TRIM37: variants seen among roughly 807,000 people sequenced by gnomAD.
TRIM37 encodes E3 ubiquitin-protein ligase TRIM37.
Under a neutral mutation model 129.8 loss-of-function variants are expected in TRIM37, and 80 were observed. The ratio of observed to expected loss-of-function variants is 0.62; its 90% CI spans 0.51 to 0.74. The LOEUF is 0.74. Ranked by LOEUF, TRIM37 falls within the 30% of genes least tolerant of loss-of-function variation. TRIM37 has a pLI of 0.00. For synonymous variants in TRIM37, 389 were observed against 387.1 expected (o/e 1.00, Z -0.06); for missense variants, 1,054 against 1,176.5 (o/e 0.90, Z 1.52).
intron 17 of TRIM37, 101 bp from the exon 18 acceptor site, chr17:59,032,191 A>G (rs764965902): frequency 3.2e-6 from 4 of 1,263,612 alleles, no homozygotes; most frequent in Non-Finnish European, 3.4e-6. Context: ...TTGTCTATGG[A>G]CCTATCTCTT....
At chr17:58,996,796 G>A (rs1341490779), downstream of TRIM37, among the ~76,000 whole-genome samples, 6 of 144,446 alleles carry the variant, frequency 4.2e-5, no homozygotes, top group African/African-American at 1.7e-4. Flanking sequence ...ATATATATGT[G>A]TGTGTGTGTG....
intron 24 of TRIM37, among the ~76,000 whole-genome samples, chr17:58,992,268 AATAT>A (rs1454919085): frequency 3.5e-5 from 5 of 143,502 alleles, no homozygotes; most frequent in South Asian, 2.1e-4. Context: ...TATAAATATA[AATAT>A]ATATATATTT....
At chr17:59,086,036 A>G (rs1168640026) in intron 4 of TRIM37, among the ~76,000 whole-genome samples, 3 of 152,134 alleles carry the variant, frequency 2.0e-5, no homozygotes, top group Non-Finnish European at 4.4e-5. Flanking sequence ...TGGTGCGAAG[A>G]AGGAATGGGG....
chr17:59,003,028 T>G (rs1471395556), intron 22 of TRIM37, among the ~76,000 whole-genome samples: 1 of 152,262 alleles, frequency 6.6e-6, no homozygotes, highest in East Asian at 1.9e-4. Context: ...GCCTGTGCCA[T>G]CACACCTGGC....
chr17:59,015,626 T>C lies in TRIM37; in HGVS notation c.2560A>G (p.Lys854Glu). The change falls in exon 21 of 24, where the codon AAA becomes GAA. Residue 854 changes from lysine (K) to glutamate (E), a missense_variant. Transcript: ENST00000262294. ...TTAATTTACCCCAAGGTGACCATTT[T>C]CCTCCTTTTCTCAACCGCAGGCAAG... is the stretch of plus-strand genomic sequence containing the variant. ...SGLPAVEKRR[K>E]MVTLGANAKG... The C allele has an allele frequency of 6.2e-7, 1 of 1,614,056 alleles. No homozygotes were observed. The highest frequency in any genetic ancestry group is 8.5e-7 in the Non-Finnish European group (1 of 1,180,016).
intron 9 of TRIM37, among the ~76,000 whole-genome samples, chr17:59,066,361 A>C (rs2041920296): frequency 6.6e-6 from 1 of 152,220 alleles, no homozygotes. Flanking sequence ...GTTGCCTGCT[A>C]ATCTGCATAT....
chr17:59,003,110 G>A (rs28651036), intron 22 of TRIM37, among the ~76,000 whole-genome samples: 36,684 of 152,046 alleles, frequency 0.24, 4,726 homozygotes, highest in African/African-American at 0.33. Context: ...CTCCTGAGCT[G>A]AAGTGATTCA....
downstream of TRIM37, chr17:58,979,913 C>T (rs1175079728): frequency 1.3e-5 from 18 of 1,351,160 alleles, no homozygotes; most frequent in East Asian, 7.0e-5. Flanking sequence ...TGGTCATAAA[C>T]GTTCTTAGCA....
chr17:59,104,502 C>T, intron 1 of TRIM37, 108 bp from the exon 2 acceptor site: 1 of 955,902 alleles, frequency 1.0e-6, no homozygotes, highest in African/African-American at 1.6e-5. Flanking sequence ...GCTGATCTCT[C>T]AATTTTAACT....
At chr17:59,044,974 G>A (rs1224759655) in intron 16 of TRIM37, among the ~76,000 whole-genome samples, 1 of 151,924 alleles carries the variant, frequency 6.6e-6, no homozygotes, top group Non-Finnish European at 1.5e-5. Context: ...GAAGGTTACA[G>A]GGAGCTATAA....
chr17:58,982,849 T>C, exon 25 of TRIM37: 3 of 1,492,136 alleles, frequency 2.0e-6, no homozygotes, highest in Non-Finnish European at 2.8e-6. Flanking sequence ...TGGTCCTCAC[T>C]CATATCTGTC....
rs952075903 is a variant in TRIM37, at chr17:59,017,145, C to A, written c.2386+151G>T. On this transcript the variant is annotated intron_variant, in intron 20 of 23. Transcript: ENST00000262294. Reference sequence around the variant, plus strand: ...CACCACTGCACTCCAGCCTGGGTGACAAAGTGAGACCCTGTTTCAAAAAAA... The same window carrying A: ...CACCACTGCACTCCAGCCTGGGTGAAAAAGTGAGACCCTGTTTCAAAAAAA... 40 of 998,218 alleles carry A rather than the reference C, an allele frequency of 4.0e-5. No individual in the cohort carries two copies. In the East Asian group the frequency reaches 1.0e-3, roughly 26 times the overall value. The allele number at this position is 998,218 out of a possible 1,614,324, so 61.8% of individuals were successfully genotyped here.
chr17:59,033,527 G>A (rs945983548), intron 17 of TRIM37, among the ~76,000 whole-genome samples: 1 of 152,006 alleles, frequency 6.6e-6, no homozygotes, highest in African/African-American at 2.4e-5. Flanking sequence ...CCGCCTCCTG[G>A]GTTCAAGCGA....
Position 59,064,416 on chromosome 17 carries a change from A to G in TRIM37, c.810-11T>C, listed in dbSNP as rs935631056. The G allele has an allele frequency of 5.7e-6, 9 of 1,578,798 alleles. No individual in the cohort carries two copies. The highest frequency in any genetic ancestry group is 7.7e-6 in the Non-Finnish European group (9 of 1,161,780). ...GATGGCACTAATTCACTAAAAAAAA[A>G]AAGGCAAAAAAAATTATTTAGCTTA... On this transcript the variant is annotated splice_polypyrimidine_tract_variant and intron_variant, in intron 9 of 23. Transcript: ENST00000262294.
chr17:59,022,329 A>G (rs1030821414), intron 19 of TRIM37, among the ~76,000 whole-genome samples: 2 of 152,250 alleles, frequency 1.3e-5, no homozygotes, highest in Admixed American at 1.3e-4. Flanking sequence ...AAAATAATAT[A>G]ATTTACTTTA....
intron 24 of TRIM37, among the ~76,000 whole-genome samples, chr17:58,985,990 T>C (rs1468234293): frequency 3.9e-5 from 6 of 152,120 alleles, no homozygotes; most frequent in African/African-American, 9.7e-5. Flanking sequence ...CCCTAAAATA[T>C]AGTATTACTT....
Position 59,015,716 on chromosome 17 carries a change from T to C in TRIM37, c.2470A>G (p.Lys824Glu). ...IHGSIGDILP[K>E]TEDRQCKALD... ...GCTTTACACTGCCGGTCTTCAGTTT[T>C]TGGCAGAATATCACCGATACTGCCA... The change falls in exon 21 of 24, where the codon AAA becomes GAA. Residue 824 changes from lysine to glutamate, a missense_variant. By Grantham distance (56) the Lys-to-Glu change is moderately conservative. Transcript: ENST00000262294. The C allele has an allele frequency of 6.2e-7, 1 of 1,614,132 alleles. No individual in the cohort carries two copies. Among genetic ancestry groups the C allele is most frequent in the Non-Finnish European group, 8.5e-7 (1 of 1,180,024 alleles).
chr17:59,000,577 G>A lies in TRIM37; in HGVS notation c.2812+1021C>T, dbSNP rs142186349. Among the ~76,000 whole-genome samples the A allele has an allele frequency of 4.9e-3, 740 of 152,120 alleles. 2 individuals carry two copies. The highest frequency in any genetic ancestry group is 0.017 in the African/African-American group (718 of 41,518). ...GATTGTGCCACTGCACTTCAGCTTGGGAGACAGAGCAAGACTCTGTCTAAA... is the reference window on the plus strand; with the variant it reads ...GATTGTGCCACTGCACTTCAGCTTGAGAGACAGAGCAAGACTCTGTCTAAA... On this transcript the variant is annotated intron_variant, in intron 23 of 23. Coordinates refer to ENST00000262294, the MANE Select transcript of TRIM37 (RefSeq NM_015294.6).
chr17:58,980,762 T>C (rs960291670), downstream of TRIM37: 4 of 1,614,004 alleles, frequency 2.5e-6, no homozygotes, highest in African/African-American at 1.3e-5. The surrounding 1 kb of genome is among the most constrained non-coding windows in gnomAD (Gnocchi z 4.7). Context: ...AGTTTCTAGA[T>C]TGTCTCATTT....
Sources: allele counts gnomAD v4.1 joint callset (sites outside exome capture counted in the v4.1 genomes callset), GRCh38; gene constraint gnomAD v4.1.1; non-coding constraint Gnocchi (gnomAD v3.1); transcripts MANE v1.5; gene names NCBI Gene and HGNC (gene_info 2026-07-23, HGNC 2026-07-21).